The following DPP6 variants were observed in gnomAD, a reference collection of about 807,000 sequenced individuals.
DPP6 encodes dipeptidyl peptidase like 6, also known as A-type potassium channel modulatory protein DPP6.
DPP6 carries 69 observed loss-of-function variants against 122.6 expected under a neutral mutation model. The observed-to-expected ratio is 0.56, with a 90% CI of 0.46 to 0.69. The LOEUF is 0.69. Ranked by LOEUF, DPP6 falls within the 30% of genes least tolerant of loss-of-function variation. DPP6 has a pLI of 0.00. For missense variants in DPP6, 928 were observed against 1,116.9 expected (o/e 0.83, Z 2.41); for synonymous variants, 418 against 433.1 (o/e 0.97, Z 0.43).
the DPP6 span, among the ~76,000 whole-genome samples, chr7:153,820,594 G>A: frequency 6.6e-6 from 1 of 152,036 alleles, no homozygotes; most frequent in African/African-American, 2.4e-5. Context: ...GGCCAGGCCT[G>A]AACCTAGCAC....
At chr7:154,396,530 C>A (rs1046420432) in intron 1 of DPP6, among the ~76,000 whole-genome samples, 4 of 152,160 alleles carry the variant, frequency 2.6e-5, no homozygotes, top group Admixed American at 6.5e-5. Flanking sequence ...GGAATGCTAT[C>A]TCGTGCTCAT....
At chr7:154,804,373 G>T (rs184290929) in intron 14 of DPP6, among the ~76,000 whole-genome samples, 4 of 152,302 alleles carry the variant, frequency 2.6e-5, no homozygotes, top group African/African-American at 9.6e-5. Flanking sequence ...TAAGTAATTT[G>T]CTCCAGGTTA....
intron 1 of DPP6, among the ~76,000 whole-genome samples, chr7:154,071,390 T>C (rs1486229440): frequency 2.6e-5 from 4 of 152,062 alleles, no homozygotes; most frequent in African/African-American, 9.7e-5. Context: ...TCAGCAAGAG[T>C]TCGAAGCGGG....
chr7:154,662,219 C>T (rs1837749441), intron 6 of DPP6, among the ~76,000 whole-genome samples: 1 of 138,130 alleles, frequency 7.2e-6, no homozygotes, highest in South Asian at 2.3e-4. Flanking sequence ...AGCGTTCACG[C>T]AGTCATGGTG....
the DPP6 span, among the ~76,000 whole-genome samples, chr7:153,872,887 C>T: frequency 6.6e-6 from 1 of 152,212 alleles, no homozygotes; most frequent in Admixed American, 6.5e-5. Context: ...TAACCAACTA[C>T]AATTGAACTT....
At chr7:154,464,058 A>T (rs892963291) in intron 2 of DPP6, among the ~76,000 whole-genome samples, 2 of 152,160 alleles carry the variant, frequency 1.3e-5, no homozygotes, top group African/African-American at 2.4e-5. Context: ...TGCGGCCTAG[A>T]CTGCCTTTCA....
intron 4 of DPP6, among the ~76,000 whole-genome samples, chr7:154,543,325 C>T (rs774907297): frequency 6.6e-6 from 1 of 152,174 alleles, no homozygotes; most frequent in Admixed American, 6.5e-5. Context: ...CCTCTAATAA[C>T]CTCATTCTCT....
At chr7:154,828,272 T>C (rs1158279724) in intron 16 of DPP6, among the ~76,000 whole-genome samples, 1 of 152,174 alleles carries the variant, frequency 6.6e-6, no homozygotes, top group Admixed American at 6.5e-5. Context: ...CAAAGTCCTT[T>C]GCCCTGTACT....
At chr7:154,186,640 G>T (rs1031816131) in intron 1 of DPP6, among the ~76,000 whole-genome samples, 11 of 152,182 alleles carry the variant, frequency 7.2e-5, no homozygotes, top group African/African-American at 2.7e-4. Flanking sequence ...GACTCCGGTG[G>T]ATATGAGCAG....
At chr7:153,951,119 C>G (rs1563041031) in intron 1 of DPP6, among the ~76,000 whole-genome samples, 1 of 70,122 alleles carries the variant, frequency 1.4e-5, no homozygotes, top group Admixed American at 1.9e-4. Context: ...CAAAGACAGG[C>G]CAAAGTTCCC....
chr7:154,333,169 A>G (rs1809104700), intron 1 of DPP6, among the ~76,000 whole-genome samples: 1 of 152,194 alleles, frequency 6.6e-6, no homozygotes, highest in Non-Finnish European at 1.5e-5. Context: ...CATCTTTGAG[A>G]AAGATCTGTT....
chr7:154,503,776 C>T (rs35712447), intron 3 of DPP6, among the ~76,000 whole-genome samples: 19,992 of 152,060 alleles, frequency 0.13, 1,349 homozygotes, highest in Middle Eastern at 0.18. Flanking sequence ...AGAATTGACA[C>T]GTCAGTCTCT....
intron 1 of DPP6, among the ~76,000 whole-genome samples, chr7:154,204,535 T>C (rs75641871): frequency 0.025 from 3,741 of 152,190 alleles, 167 homozygotes; most frequent in African/African-American, 0.085. Context: ...ATCATCGGCC[T>C]CCTCTCCCCA....
chr7:154,831,063 G>C (rs1800591587), intron 16 of DPP6, among the ~76,000 whole-genome samples: 2 of 152,142 alleles, frequency 1.3e-5, no homozygotes, highest in Non-Finnish European at 2.9e-5. Flanking sequence ...ACGGTGAGTG[G>C]GTGCCCTCCT....
Position 154,879,352 on chromosome 7 carries a change from G to A in DPP6, c.2079-1536G>A, listed in dbSNP as rs528475356. ...TCCCAGCACTTTGGGAGGCCGAGGCGGGCGGATCACGAGGTCAGGAGATCG... is the reference window on the plus strand; with the variant it reads ...TCCCAGCACTTTGGGAGGCCGAGGCAGGCGGATCACGAGGTCAGGAGATCG... On this transcript the variant is annotated intron_variant, in intron 20 of 25. Transcript: ENST00000377770. 3.0e-3 allele frequency among the ~76,000 whole-genome samples: 297 copies of A among 98,316 alleles called. 61 individuals are homozygous for A. The highest frequency in any genetic ancestry group is 0.012 in the African/African-American group (253 of 20,884). 64.5% of individuals were successfully genotyped at this position (98,316 alleles called of 152,430 possible).
At chr7:154,776,338 G>A (rs1358784605) in intron 10 of DPP6, among the ~76,000 whole-genome samples, 1 of 151,882 alleles carries the variant, frequency 6.6e-6, no homozygotes, top group East Asian at 1.9e-4. Flanking sequence ...ACTCCCATAC[G>A]AGGATCTGCA....
chr7:154,054,118 T>G (rs1361730338), intron 1 of DPP6, among the ~76,000 whole-genome samples: 1 of 151,312 alleles, frequency 6.6e-6, no homozygotes, highest in Non-Finnish European at 1.5e-5. Context: ...TATGTATGCC[T>G]TTGAGGAGTT....
rs563884853 is a variant in DPP6 at position 154,156,471 on chromosome 7, G to A, written c.243+103408G>A. Among the ~76,000 whole-genome samples the A allele has an allele frequency of 1.5e-4, 23 of 152,322 alleles. No homozygotes were observed. In the South Asian group the frequency reaches 4.3e-3, roughly 29 times the overall value. Reference sequence around the variant, plus strand: ...GTCTCAGGAATGATCAATACTAGTGGTTGAGACTAGAGGGACCATTAAGTA... The same window carrying A: ...GTCTCAGGAATGATCAATACTAGTGATTGAGACTAGAGGGACCATTAAGTA... On this transcript the variant is annotated intron_variant, in intron 1 of 25. Coordinates refer to ENST00000377770, the MANE Select transcript of DPP6 (RefSeq NM_130797.4).
intron 16 of DPP6, among the ~76,000 whole-genome samples, chr7:154,814,434 CT>C (rs572827672): frequency 3.9e-5 from 6 of 152,120 alleles, no homozygotes; most frequent in Non-Finnish European, 7.3e-5. Flanking sequence ...ATGAAAGTGG[CT>C]GTGTATTCAC....
Sources: allele counts gnomAD v4.1 joint callset (sites outside exome capture counted in the v4.1 genomes callset), GRCh38; gene constraint gnomAD v4.1.1; transcripts MANE v1.5; gene names NCBI Gene and HGNC (gene_info 2026-07-23, HGNC 2026-07-21).